The following CEP128 variants were observed in gnomAD, a reference collection of about 807,000 sequenced individuals.
The protein encoded by CEP128 is centrosomal protein 128kDa.
Under a neutral mutation model 156.7 loss-of-function variants are expected in CEP128, and 132 were observed. The ratio of observed to expected loss-of-function variants is 0.84; its 90% CI spans 0.73 to 0.97. CEP128 has a LOEUF of 0.97. Among genes scored for constraint, CEP128 ranks in the 50% least tolerant of loss-of-function variants. The pLI, the probability that CEP128 is intolerant of heterozygous loss-of-function variation, is 0.00. For synonymous variants in CEP128, 469 were observed against 448.9 expected, an observed-to-expected ratio of 1.04 and a Z score of -0.57; for missense variants, 1,252 against 1,281.9, an observed-to-expected ratio of 0.98 and a Z score of 0.36.
chr14:80,904,768 G>T, intron 6 of CEP128, 45 bp downstream of exon 6: 2 of 1,022,986 alleles, frequency 2.0e-6, no homozygotes, highest in South Asian at 1.3e-5. Context: ...TACAATAGAA[G>T]CATAAGGAAA....
At chr14:80,894,680 T>C (rs755103566) in intron 8 of CEP128, 11 of 398,154 alleles carry the variant, frequency 2.8e-5, no homozygotes, top group Non-Finnish European at 4.4e-5. Flanking sequence ...ACAAAAAACT[T>C]AATACCAAAA....
intron 19 of CEP128, among the ~76,000 whole-genome samples, chr14:80,651,430 G>T (rs1321947716): frequency 6.6e-6 from 1 of 151,998 alleles, no homozygotes; most frequent in Non-Finnish European, 1.5e-5. Context: ...GTTCCACTCT[G>T]ATCTTAGTTA....
At chr14:80,726,665 T>C (rs1378658037) in intron 19 of CEP128, among the ~76,000 whole-genome samples, 8 of 152,196 alleles carry the variant, frequency 5.3e-5, no homozygotes, top group African/African-American at 1.9e-4. Flanking sequence ...AGTGCTTGAA[T>C]CAGCACCAAC....
chr14:80,934,217 A>G (rs116855873), intron 2 of CEP128, among the ~76,000 whole-genome samples: 2,281 of 152,338 alleles, frequency 0.015, 32 homozygotes, highest in African/African-American at 0.025. Context: ...AAACTGCTTT[A>G]CAGTACCAGA....
chr14:80,888,362 G>A (rs1888914710), intron 8 of CEP128, among the ~76,000 whole-genome samples: 1 of 152,074 alleles, frequency 6.6e-6, no homozygotes, highest in African/African-American at 2.4e-5. Context: ...CCTGATGAAC[G>A]TTGATGCGAA....
intron 20 of CEP128, among the ~76,000 whole-genome samples, chr14:80,576,051 T>A (rs904115859): frequency 6.6e-6 from 1 of 151,928 alleles, no homozygotes; most frequent in Non-Finnish European, 1.5e-5. Context: ...AGCATGATAC[T>A]AACTCTCGGT....
At chr14:80,781,489 A>G (rs1406553576) in intron 15 of CEP128, among the ~76,000 whole-genome samples, 1 of 151,320 alleles carries the variant, frequency 6.6e-6, no homozygotes, top group African/African-American at 2.4e-5. Context: ...ATGAATGTAC[A>G]TGAGTAAGGT....
At chr14:80,653,830 T>G (rs1204333552) in intron 19 of CEP128, among the ~76,000 whole-genome samples, 2 of 152,160 alleles carry the variant, frequency 1.3e-5, no homozygotes, top group Admixed American at 6.6e-5. Flanking sequence ...ATCAATTTAG[T>G]GTGTTCAGAA....
At chr14:80,623,244 G>A (rs1317259240) in intron 19 of CEP128, among the ~76,000 whole-genome samples, 2 of 150,572 alleles carry the variant, frequency 1.3e-5, no homozygotes, top group Non-Finnish European at 3.0e-5. Flanking sequence ...TCACTCATAG[G>A]TGGGAATTGA....
intron 19 of CEP128, among the ~76,000 whole-genome samples, chr14:80,661,411 G>A (rs187227374): frequency 6.6e-6 from 1 of 152,156 alleles, no homozygotes. Context: ...GGCAACCACA[G>A]TGGAAGCAGG....
At chr14:80,678,251 T>C (rs1033911047) in intron 19 of CEP128, among the ~76,000 whole-genome samples, 2 of 151,618 alleles carry the variant, frequency 1.3e-5, no homozygotes, top group African/African-American at 4.9e-5. Flanking sequence ...CCATTGGGGA[T>C]AGTCCAAATC....
intron 8 of CEP128, among the ~76,000 whole-genome samples, chr14:80,871,074 G>A (rs768359): frequency 0.36 from 54,550 of 151,504 alleles, 10,272 homozygotes; most frequent in South Asian, 0.51. Context: ...GAGGAAGTCA[G>A]CAATGTAAAA....
intron 19 of CEP128, among the ~76,000 whole-genome samples, chr14:80,663,894 T>C (rs1466018834): frequency 1.3e-5 from 2 of 152,212 alleles, no homozygotes; most frequent in African/African-American, 4.8e-5. Flanking sequence ...TATTAATTGT[T>C]ATACCAGTAT....
At chr14:80,895,565 G>A (rs1245808370) in intron 8 of CEP128, among the ~76,000 whole-genome samples, 153 bp downstream of exon 8, 23 of 151,854 alleles carry the variant, frequency 1.5e-4, no homozygotes, top group Admixed American at 1.5e-3. Context: ...CAAAATTCAT[G>A]AACATTTTAT....
chr14:80,929,934 T>G (rs1172019080), intron 2 of CEP128, among the ~76,000 whole-genome samples: 1 of 152,168 alleles, frequency 6.6e-6, no homozygotes, highest in Non-Finnish European at 1.5e-5. Flanking sequence ...GAGCAGCAGG[T>G]GAACAGCGGG....
intron 12 of CEP128, among the ~76,000 whole-genome samples, chr14:80,831,907 C>T (rs17111153): frequency 0.14 from 21,289 of 152,202 alleles, 1,855 homozygotes; most frequent in Admixed American, 0.22. Flanking sequence ...AATGAGCTTA[C>T]ATCCTGATGT....
At chr14:80,501,255 C>T (rs1170700810) in intron 24 of CEP128, among the ~76,000 whole-genome samples, 2 of 152,044 alleles carry the variant, frequency 1.3e-5, no homozygotes, top group Non-Finnish European at 2.9e-5. Flanking sequence ...CCTAAAAGTT[C>T]CTGGAGCGAG....
At chr14:80,491,003 A>G (rs753068574) in intron 6 of CEP128, among the ~76,000 whole-genome samples, 2 of 152,230 alleles carry the variant, frequency 1.3e-5, no homozygotes, top group Admixed American at 6.5e-5. Flanking sequence ...GCACCCAGAT[A>G]ATACTGCTGC....
rs139653104 is a variant in CEP128, at chr14:80,591,667, C to T, written c.2807-11244G>A. 1.7e-3 allele frequency among the ~76,000 whole-genome samples: 256 copies of T among 152,272 alleles called. 7 individuals carry two copies. The East Asian group carries it at 0.039, about 23-fold the overall frequency. On this transcript the variant is annotated intron_variant, in intron 19 of 24. Coordinates refer to ENST00000555265, the MANE Select transcript of CEP128 (RefSeq NM_152446.5). ...TGGACCAAGCAGACCTTACAGACAT[C>T]TACAGAACTCTCCACTCCAAGTCAA...
Sources: allele counts gnomAD v4.1 joint callset (sites outside exome capture counted in the v4.1 genomes callset), GRCh38; gene constraint gnomAD v4.1.1; transcripts MANE v1.5; gene names NCBI Gene and HGNC (gene_info 2026-07-23, HGNC 2026-07-21).